The following ZFYVE26 variants were observed in gnomAD, a reference collection of about 807,000 sequenced individuals.
ZFYVE26 encodes the protein zinc finger FYVE domain-containing protein 26.
ZFYVE26 carries 181 observed loss-of-function variants against 276.5 expected under a neutral mutation model. The observed-to-expected ratio is 0.65, with a 90% CI of 0.58 to 0.74. The LOEUF (loss-of-function observed/expected upper bound fraction) is 0.74, where lower values mean the gene tolerates loss of function less well. Ranked by LOEUF, ZFYVE26 falls within the 30% of genes least tolerant of loss-of-function variation. The pLI is 0.00. For missense variants in ZFYVE26, 2,821 were observed against 3,097.9 expected, an observed-to-expected ratio of 0.91 and a Z score of 2.12; for synonymous variants, 1,129 against 1,203.1, an observed-to-expected ratio of 0.94 and a Z score of 1.27.
intron 19 of ZFYVE26, among the ~76,000 whole-genome samples, chr14:67,784,801 T>C (rs1433317678): frequency 6.6e-6 from 1 of 152,208 alleles, no homozygotes; most frequent in African/African-American, 2.4e-5. Flanking sequence ...AAATTCACAA[T>C]GGACCACAGG....
rs12435035 is a variant in ZFYVE26, at chr14:67,752,138, T to C, written c.7371+206A>G. Among the ~76,000 whole-genome samples, 50,048 of 152,082 alleles carry C rather than the reference T, an allele frequency of 0.33. 8,566 individuals are homozygous for C. Among genetic ancestry groups the C allele is most frequent in the South Asian group, 0.53 (2,557 of 4,812 alleles). On this transcript the variant is annotated intron_variant, in intron 40 of 41. Coordinates refer to ENST00000347230, the MANE Select transcript of ZFYVE26 (RefSeq NM_015346.4). The stretch of plus-strand genomic sequence containing the variant: ...AATTTACACAATGGGATGTTGAGGG[T>C]CACCTTCTGGGTATAGATGTCATCT...
At chr14:67,792,946 T>C (rs1228320472) in intron 14 of ZFYVE26, among the ~76,000 whole-genome samples, 2 of 130,346 alleles carry the variant, frequency 1.5e-5, no homozygotes, top group African/African-American at 5.7e-5. Flanking sequence ...AAAAGGAAAT[T>C]GTATTATAAT....
chr14:67,750,585 G>C, intron 41 of ZFYVE26: 2 of 214,946 alleles, frequency 9.3e-6, no homozygotes, highest in South Asian at 1.5e-4. Context: ...CCTGAGGAGA[G>C]GTTCATTCTG....
At chr14:67,784,956 C>T (rs1245825193) in intron 19 of ZFYVE26, 103 bp downstream of exon 19, 16 of 1,191,512 alleles carry the variant, frequency 1.3e-5, no homozygotes, top group Non-Finnish European at 2.0e-5. Flanking sequence ...GTGTTCTTGG[C>T]TACTGCTGTA....
In ZFYVE26 at chr14:67,750,956, A is replaced by G. The variant is rs537075411; in HGVS notation, c.7416+96T>C. On this transcript the variant is annotated intron_variant, in intron 41 of 41. Transcript: ENST00000347230. ...ATACAGAAGCTGAGATACGGGTTGTATGGAACTATTGTGGGGAGCAAGGGA... is the reference window on the plus strand; with the variant it reads ...ATACAGAAGCTGAGATACGGGTTGTGTGGAACTATTGTGGGGAGCAAGGGA... 3 of 1,452,070 alleles carry G rather than the reference A, an allele frequency of 2.1e-6. No individual in the cohort carries two copies. The East Asian group carries it at 6.8e-5, about 33-fold the overall frequency. 89.9% of individuals were successfully genotyped at this position (1,452,070 alleles called of 1,614,324 possible). A position where few individuals can be genotyped will look rare whatever the true frequency, so the allele number is the denominator to read the frequency against.
chr14:67,776,490 G>A lies in ZFYVE26; in HGVS notation c.4975-384C>T, dbSNP rs575623391. The stretch of plus-strand genomic sequence containing the variant: ...ACACTTGCTTTACAAATGCAGGCTG[G>A]GGACTGGATTTGGCCCACAGGTGGT... On this transcript the variant is annotated intron_variant, in intron 25 of 41. Coordinates refer to ENST00000347230, the MANE Select transcript of ZFYVE26 (RefSeq NM_015346.4). Among the ~76,000 whole-genome samples, 9 of 152,304 alleles carry A rather than the reference G, an allele frequency of 5.9e-5. No homozygotes were observed. The East Asian group carries it at 1.7e-3, about 29-fold the overall frequency.
At chr14:67,762,597 C>T (rs947075826) in intron 33 of ZFYVE26, 75 bp downstream of exon 33, 176 of 1,604,336 alleles carry the variant, frequency 1.1e-4, no homozygotes, top group Non-Finnish European at 1.4e-4. Context: ...GACGGCAACA[C>T]CTGTTTGCAA....
intron 13 of ZFYVE26, among the ~76,000 whole-genome samples, chr14:67,741,034 G>A (rs1169188301): frequency 6.6e-6 from 1 of 152,176 alleles, no homozygotes; most frequent in African/African-American, 2.4e-5. Context: ...TACTGAAAAT[G>A]ATACCCGTTT....
intron 13 of ZFYVE26, among the ~76,000 whole-genome samples, chr14:67,736,527 G>T (rs543493763): frequency 2.0e-5 from 3 of 152,208 alleles, no homozygotes; most frequent in African/African-American, 7.2e-5. Flanking sequence ...GGCAAAAAAA[G>T]TTGTGAAAAT....
rs2040209929 is a variant in ZFYVE26, at chr14:67,807,594, T to A, written c.690A>T (p.Glu230Asp). The stretch of plus-strand genomic sequence containing the variant: ...GGAGATGCAACTCAACCCCAAGTGG[T>A]TCTGCGGGGCAACGCAGAGTCCGCA... ...GALRTLRCPA[E>D]PLGVELHLLC... Residue 230 changes from glutamate (E) to aspartate (D), a missense_variant, in exon 5 of 42, where the codon GAA becomes GAT. By Grantham distance (45) the Glu-to-Asp change is conservative. Transcript: ENST00000347230. 1.2e-6 allele frequency: 2 copies of A among 1,614,196 alleles called. No homozygotes were observed. The highest frequency in any genetic ancestry group is 1.7e-6 in the Non-Finnish European group (2 of 1,180,032).
chr14:67,765,200 C>T (rs750900511), intron 32 of ZFYVE26, among the ~76,000 whole-genome samples: 2 of 152,140 alleles, frequency 1.3e-5, no homozygotes, highest in Admixed American at 6.6e-5. Flanking sequence ...CTTTTCACTT[C>T]CTTCTACTTT....
intron 28 of ZFYVE26, among the ~76,000 whole-genome samples, chr14:67,771,660 A>C (rs2039212404): frequency 6.6e-6 from 1 of 152,184 alleles, no homozygotes. Flanking sequence ...TGTCATTAAG[A>C]GGCAGAGCCA....
intron 20 of ZFYVE26, 73 bp downstream of exon 20, chr14:67,784,261 G>A (rs1414095125): frequency 6.3e-6 from 8 of 1,265,592 alleles, no homozygotes; most frequent in East Asian, 2.3e-5. Flanking sequence ...AAGCACCACC[G>A]CACTGAGCCC....
intron 3 of ZFYVE26, among the ~76,000 whole-genome samples, chr14:67,812,552 A>T (rs2040325143): frequency 6.6e-6 from 1 of 152,232 alleles, no homozygotes; most frequent in Admixed American, 6.5e-5. Context: ...GTGCTTATAT[A>T]GTTTTAAAAT....
At chr14:67,755,827 G>A in intron 36 of ZFYVE26, 121 bp downstream of exon 36, 1 of 1,196,680 alleles carries the variant, frequency 8.4e-7, no homozygotes, top group Non-Finnish European at 1.2e-6. Flanking sequence ...ATTTGCTCTA[G>A]GGTCAGCCAA....
At chr14:67,776,147 A>T in intron 25 of ZFYVE26, 41 bp from the exon 26 acceptor site, 2 of 1,612,960 alleles carry the variant, frequency 1.2e-6, no homozygotes, top group Non-Finnish European at 1.7e-6. Flanking sequence ...AAAATAGTAC[A>T]CAAATTTCAG....
chr14:67,804,318 A>G, intron 8 of ZFYVE26, 54 bp from the exon 9 acceptor site: 2 of 1,592,574 alleles, frequency 1.3e-6, no homozygotes, highest in South Asian at 1.1e-5. Context: ...TATTGCTCGA[A>G]GAAAGATCAA....
Position 67,785,063 on chromosome 14 carries a change from CT to C in ZFYVE26, c.3518del (p.Glu1173GlyfsTer9). On this transcript the variant is annotated frameshift_variant, in exon 19 of 42. Coordinates refer to ENST00000347230, the MANE Select transcript of ZFYVE26 (RefSeq NM_015346.4). LOFTEE classifies it high-confidence loss of function. ...TGCCTCTTTCTTGCTACCTACCAGG[CT>C]CAGAGCTCAAACTTTGAAGGAGAAC... ...AAVLLQSLSS[E>X]PDHVEVKVGN... The C allele has an allele frequency of 6.2e-7, 1 of 1,614,200 alleles. No homozygotes were observed. The highest frequency in any genetic ancestry group is 1.1e-5 in the South Asian group (1 of 91,082).
At chr14:67,742,838 C>CTTTTTTTTTTTTTTTTTTTTTTT (rs71446342), downstream of ZFYVE26, among the ~76,000 whole-genome samples, 4 of 89,768 alleles carry the variant, frequency 4.5e-5, no homozygotes, top group Admixed American at 1.3e-4. Flanking sequence ...TCTTCTTCTT[C>CTTTTTTTTTTTTTTTTTTTTTTT]TTTTTTTTTT....
Sources: allele counts gnomAD v4.1 joint callset (sites outside exome capture counted in the v4.1 genomes callset), GRCh38; gene constraint gnomAD v4.1.1; transcripts MANE v1.5; gene names NCBI Gene and HGNC (gene_info 2026-07-23, HGNC 2026-07-21).